CDC42SE2: variants seen among roughly 807,000 people sequenced by gnomAD.
CDC42SE2 encodes CDC42 small effector protein 2.
A neutral mutation model predicts 11.5 loss-of-function variants in CDC42SE2; 3 were observed. That is an observed-to-expected ratio of 0.26 (90% confidence interval 0.12 to 0.67). The LOEUF (loss-of-function observed/expected upper bound fraction) is 0.67, where lower values mean the gene tolerates loss of function less well. CDC42SE2 is among the 30% of genes least tolerant of loss of function. CDC42SE2 has a pLI of 0.80. For missense variants in CDC42SE2, 82 were observed against 106.8 expected, an observed-to-expected ratio of 0.77 and a Z score of 1.02; for synonymous variants, 33 against 34.8, an observed-to-expected ratio of 0.95 and a Z score of 0.18.
the CDC42SE2 span, among the ~76,000 whole-genome samples, chr5:131,237,396 G>A: frequency 6.6e-6 from 1 of 152,160 alleles, no homozygotes; most frequent in Non-Finnish European, 1.5e-5. Context: ...TGCTACTGAT[G>A]TATCTGTTTT....
chr5:131,273,874 C>G (rs1486159266), intron 1 of CDC42SE2, among the ~76,000 whole-genome samples: 1 of 151,952 alleles, frequency 6.6e-6, no homozygotes, highest in Non-Finnish European at 1.5e-5. Flanking sequence ...ACCTCCCGGG[C>G]TCAGGTGATC....
At chr5:131,263,674 C>A (rs1756781509), upstream of CDC42SE2, 2 of 148,932 alleles carry the variant, frequency 1.3e-5, no homozygotes, top group African/African-American at 2.5e-5. Flanking sequence ...CCACAACGTG[C>A]GCAGACGTCG....
At chr5:131,363,667 G>A (rs1451527431) in intron 3 of CDC42SE2, among the ~76,000 whole-genome samples, 4 of 148,180 alleles carry the variant, frequency 2.7e-5, no homozygotes, top group Non-Finnish European at 3.0e-5. Context: ...GTGAGCCACC[G>A]CGCCCGGCCT....
At chr5:131,240,207 A>T in the CDC42SE2 span, among the ~76,000 whole-genome samples, 3 of 152,160 alleles carry the variant, frequency 2.0e-5, no homozygotes, top group African/African-American at 7.2e-5. Context: ...AAAATTCATG[A>T]ATTTTTGTTA....
intron 2 of CDC42SE2, among the ~76,000 whole-genome samples, chr5:131,330,397 T>C (rs1758396317): frequency 6.6e-6 from 1 of 152,216 alleles, no homozygotes; most frequent in African/African-American, 2.4e-5. Flanking sequence ...TTTTTTCTGT[T>C]CCTGATTGTT....
the CDC42SE2 span, among the ~76,000 whole-genome samples, chr5:131,236,360 ATC>A: frequency 6.6e-6 from 1 of 152,160 alleles, no homozygotes; most frequent in African/African-American, 2.4e-5. Flanking sequence ...TTACATTTAA[ATC>A]TTCGATCCAC....
chr5:131,241,079 C>T (rs1380091387), upstream of CDC42SE2, among the ~76,000 whole-genome samples: 1 of 151,994 alleles, frequency 6.6e-6, no homozygotes, highest in African/African-American at 2.4e-5. Context: ...CCTGGGTTCA[C>T]GCCATTCTCC....
the CDC42SE2 span, among the ~76,000 whole-genome samples, chr5:131,232,145 C>T: frequency 6.6e-6 from 1 of 151,222 alleles, no homozygotes; most frequent in Admixed American, 6.6e-5. Context: ...CAGGGTCTTA[C>T]TCCAGTAGCC....
intron 2 of CDC42SE2, among the ~76,000 whole-genome samples, chr5:131,353,484 A>G (rs530825802): frequency 1.2e-3 from 188 of 152,016 alleles, no homozygotes; most frequent in African/African-American, 4.4e-3. Flanking sequence ...GTTCTGCTGC[A>G]TTGGCCATGC....
chr5:131,266,851 A>G (rs1183174050), intron 1 of CDC42SE2, among the ~76,000 whole-genome samples: 3 of 151,744 alleles, frequency 2.0e-5, no homozygotes, highest in African/African-American at 7.3e-5. Flanking sequence ...CTGACAATGT[A>G]CCACTGATAG....
chr5:131,282,614 A>G (rs1757259142), intron 1 of CDC42SE2, among the ~76,000 whole-genome samples: 1 of 151,956 alleles, frequency 6.6e-6, no homozygotes, highest in Admixed American at 6.6e-5. Flanking sequence ...GATAATTCAC[A>G]TAAAAAATCA....
intron 2 of CDC42SE2, among the ~76,000 whole-genome samples, chr5:131,333,914 G>C (rs1580760183): frequency 6.6e-6 from 1 of 152,170 alleles, no homozygotes; most frequent in African/African-American, 2.4e-5. Context: ...TGCAAACAGG[G>C]ACAATTTGAC....
intron 2 of CDC42SE2, among the ~76,000 whole-genome samples, chr5:131,336,870 A>G (rs1478933907): frequency 1.3e-5 from 2 of 152,066 alleles, no homozygotes; most frequent in African/African-American, 4.8e-5. Context: ...TTATCCATTC[A>G]TCTAATTTTT....
intron 1 of CDC42SE2, among the ~76,000 whole-genome samples, chr5:131,313,271 C>T (rs1310027077): frequency 1.3e-5 from 2 of 152,092 alleles, no homozygotes; most frequent in Non-Finnish European, 2.9e-5. Flanking sequence ...CATGAGCCAC[C>T]GCGCCTGGCC....
At chr5:131,390,961 T>C (rs752126315) in intron 4 of CDC42SE2, 32 bp from the exon 5 acceptor site, 4 of 1,450,988 alleles carry the variant, frequency 2.8e-6, no homozygotes. Context: ...CTGACTTCCA[T>C]TTTGTTTTGT....
chr5:131,232,734 C>CAAAAA, the CDC42SE2 span, among the ~76,000 whole-genome samples: 93 of 41,534 alleles, frequency 2.2e-3, no homozygotes, highest in East Asian at 6.8e-3. Flanking sequence ...GACTCGGTCT[C>CAAAAA]AAAAAAAAAA....
At chr5:131,346,135 C>G (rs540821174) in intron 2 of CDC42SE2, among the ~76,000 whole-genome samples, 11 of 152,120 alleles carry the variant, frequency 7.2e-5, no homozygotes, top group African/African-American at 2.7e-4. Flanking sequence ...ATGACAGGAT[C>G]GAATTCACAC....
intron 1 of CDC42SE2, among the ~76,000 whole-genome samples, chr5:131,309,437 G>T (rs560402097): frequency 4.8e-4 from 73 of 152,228 alleles, no homozygotes; most frequent in African/African-American, 1.7e-3. Context: ...CGCGGCGTTG[G>T]TATCAGAATG....
chr5:131,371,526 A>AT (rs1214632527), intron 3 of CDC42SE2, among the ~76,000 whole-genome samples: 1 of 152,086 alleles, frequency 6.6e-6, no homozygotes, highest in African/African-American at 2.4e-5. Context: ...TTTATATGTG[A>AT]TTTTGTTTTC....
Sources: allele counts gnomAD v4.1 joint callset (sites outside exome capture counted in the v4.1 genomes callset), GRCh38; gene constraint gnomAD v4.1.1; transcripts MANE v1.5; gene names NCBI Gene and HGNC (gene_info 2026-07-23, HGNC 2026-07-21).